The following SELENOF variants were observed in gnomAD, a reference collection of about 807,000 sequenced individuals.
SELENOF encodes 15 kDa selenoprotein.
SELENOF carries 16 observed loss-of-function variants against 20.5 expected under a neutral mutation model. The observed-to-expected ratio is 0.78, with a 90% CI of 0.53 to 1.19. The LOEUF (loss-of-function observed/expected upper bound fraction) is 1.19. Among genes scored for constraint, SELENOF ranks in the 50% most tolerant of loss-of-function variants. The pLI is 0.00. For synonymous variants in SELENOF, 78 were observed against 74.5 expected (o/e 1.05, Z -0.24); for missense variants, 215 against 194.2 (o/e 1.11, Z -0.64).
chr1:86,868,726 C>T (rs552483055), intron 3 of SELENOF, among the ~76,000 whole-genome samples: 1 of 151,786 alleles, frequency 6.6e-6, no homozygotes, highest in Admixed American at 6.6e-5. Context: ...AAAATACTAC[C>T]AAAGCCTACA....
chr1:86,874,981 G>T (rs907960923), intron 3 of SELENOF, among the ~76,000 whole-genome samples: 3 of 152,098 alleles, frequency 2.0e-5, no homozygotes, highest in African/African-American at 7.2e-5. Context: ...TGCCTGTAAT[G>T]CCAGCACTCT....
intron 1 of SELENOF, 45 bp from the exon 2 acceptor site, chr1:86,903,493 C>T (rs571015): frequency 0.21 from 311,204 of 1,454,104 alleles, 35,973 homozygotes; most frequent in African/African-American, 0.45. Flanking sequence ...CATATTTATA[C>T]TACAAAGCTT....
intron 3 of SELENOF, among the ~76,000 whole-genome samples, chr1:86,878,388 A>T (rs1198721227): frequency 6.6e-6 from 1 of 152,266 alleles, no homozygotes; most frequent in African/African-American, 2.4e-5. Flanking sequence ...AAGATAAAGA[A>T]TATGAAGCAG....
At chr1:86,904,821 C>T (rs1406122215) in intron 1 of SELENOF, among the ~76,000 whole-genome samples, 1 of 152,174 alleles carries the variant, frequency 6.6e-6, no homozygotes, top group East Asian at 1.9e-4. Flanking sequence ...TTACTTTTCT[C>T]TTCTATGCAT....
At chr1:86,878,265 CTT>C (rs762866790) in intron 3 of SELENOF, among the ~76,000 whole-genome samples, 3 of 152,080 alleles carry the variant, frequency 2.0e-5, no homozygotes, top group Non-Finnish European at 2.9e-5. Context: ...TTAATTTACT[CTT>C]GTTTCATGAA....
chr1:86,875,462 A>G (rs1658902043), intron 3 of SELENOF, among the ~76,000 whole-genome samples: 1 of 152,184 alleles, frequency 6.6e-6, no homozygotes, highest in Non-Finnish European at 1.5e-5. Context: ...TGAATCCTGT[A>G]AATTCATCAA....
chr1:86,865,494 A>T (rs1157689274), intron 4 of SELENOF, among the ~76,000 whole-genome samples: 3 of 152,230 alleles, frequency 2.0e-5, no homozygotes, highest in Non-Finnish European at 4.4e-5. Flanking sequence ...CAATGTTCTA[A>T]AGAAGATAAA....
At chr1:86,887,207 G>T in intron 2 of SELENOF, 1 of 1,537,970 alleles carries the variant, frequency 6.5e-7, no homozygotes, top group Non-Finnish European at 8.8e-7. Context: ...CTGAGGATTA[G>T]GGGAAAAAAA....
At chr1:86,869,793 C>T (rs978620290) in intron 3 of SELENOF, among the ~76,000 whole-genome samples, 5 of 151,324 alleles carry the variant, frequency 3.3e-5, no homozygotes, top group African/African-American at 9.7e-5. Context: ...CTCGGCTGAG[C>T]GCGGGGTCAG....
intron 3 of SELENOF, among the ~76,000 whole-genome samples, chr1:86,873,107 A>G (rs918997292): frequency 1.3e-5 from 2 of 150,944 alleles, no homozygotes; most frequent in African/African-American, 2.4e-5. Flanking sequence ...TAAAAAATAA[A>G]TTATCCAGGC....
chr1:86,865,384 A>G (rs1658566110), intron 4 of SELENOF, among the ~76,000 whole-genome samples: 1 of 152,192 alleles, frequency 6.6e-6, no homozygotes, highest in African/African-American at 2.4e-5. Flanking sequence ...AATCATATAT[A>G]TCTGATAAAG....
At position 86,863,482 on chromosome 1, in the gene SELENOF, G is replaced by A. The variant is rs148099140; in HGVS notation, c.490C>T (p.Arg164Cys). 50 of 1,611,144 alleles carry A rather than the reference G, an allele frequency of 3.1e-5. No individual in the cohort carries two copies. In the East Asian group the frequency reaches 3.6e-4, roughly 12 times the overall value. Residue 164 changes from arginine to cysteine, a missense_variant, in exon 5 of 5, where the codon CGC (arginine) becomes TGC (cysteine). Arg to Cys is a radical substitution (Grantham distance 180, BLOSUM62 -3). Coordinates refer to ENST00000331835, the MANE Select transcript of SELENOF (RefSeq NM_004261.5). ...VEEFLSEKLE[R>C]I ...CAAAATTTAAGCAAGATTTATATGC[G>A]TTCCAACTTTTCACTCAGGAATTCT... is the stretch of plus-strand genomic sequence containing the variant.
intron 4 of SELENOF, among the ~76,000 whole-genome samples, chr1:86,866,022 C>T (rs1658580408): frequency 6.6e-6 from 1 of 151,608 alleles, no homozygotes; most frequent in Non-Finnish European, 1.5e-5. Flanking sequence ...TAGCAAGACC[C>T]TATCTCTATA....
intron 3 of SELENOF, among the ~76,000 whole-genome samples, chr1:86,874,137 T>G (rs917670959): frequency 6.6e-6 from 1 of 152,126 alleles, no homozygotes; most frequent in African/African-American, 2.4e-5. Context: ...CTAATTTTTT[T>G]TTTTTGTATA....
At chr1:86,877,484 T>G (rs1447869344) in intron 3 of SELENOF, among the ~76,000 whole-genome samples, 1 of 152,220 alleles carries the variant, frequency 6.6e-6, no homozygotes, top group East Asian at 1.9e-4. Context: ...AATACTTGCA[T>G]ACATAGAATG....
chr1:86,909,500 A>G (rs889514815), intron 1 of SELENOF, among the ~76,000 whole-genome samples: 1 of 152,170 alleles, frequency 6.6e-6, no homozygotes, highest in Non-Finnish European at 1.5e-5. Flanking sequence ...AACACAAATG[A>G]ACTGGGGCCA....
rs1265572530 is a variant in SELENOF, at chr1:86,862,803, C to A, written c.*671G>T. On this transcript the variant is annotated 3_prime_UTR_variant, in exon 5 of 5. Coordinates refer to ENST00000331835, the MANE Select transcript of SELENOF (RefSeq NM_004261.5). ...GACTTTTCTGTAAGAATGTAAAACTCAAAAATTTGCCAAGTATGTATCTGA... is the reference window on the plus strand; with the variant it reads ...GACTTTTCTGTAAGAATGTAAAACTAAAAAATTTGCCAAGTATGTATCTGA... 1 of 152,270 alleles carries A rather than the reference C, an allele frequency of 6.6e-6. No homozygotes were observed. Among genetic ancestry groups the A allele is most frequent in the Non-Finnish European group, 1.5e-5 (1 of 68,026 alleles). The allele number at this position is 152,270 out of a possible 1,614,324, so 9.4% of individuals were successfully genotyped here. A position where few individuals can be genotyped will look rare whatever the true frequency, so the allele number is the denominator to read the frequency against.
At chr1:86,885,987 G>A (rs950235067) in intron 2 of SELENOF, among the ~76,000 whole-genome samples, 1 of 152,114 alleles carries the variant, frequency 6.6e-6, no homozygotes, top group African/African-American at 2.4e-5. Flanking sequence ...TTGTGTACGT[G>A]AGGCCATTAT....
intron 3 of SELENOF, among the ~76,000 whole-genome samples, chr1:86,878,275 G>A (rs569996108): frequency 6.6e-6 from 1 of 152,264 alleles, no homozygotes; most frequent in African/African-American, 2.4e-5. Context: ...CTTGTTTCAT[G>A]AAATGGTTAA....
Sources: gnomAD v4.1 joint callset for allele counts (sites outside exome capture counted in the v4.1 genomes callset) on GRCh38, gnomAD v4.1.1 for gene constraint, MANE v1.5 for transcripts, NCBI Gene and HGNC (gene_info 2026-07-23, HGNC 2026-07-21) for gene names.